The following SLCO5A1 variants were observed in gnomAD, a reference collection of about 807,000 sequenced individuals.
SLCO5A1 encodes the protein solute carrier organic anion transporter family member 5A1.
SLCO5A1 carries 39 observed loss-of-function variants against 65.1 expected under a neutral mutation model. The observed-to-expected ratio is 0.60, with a 90% CI of 0.46 to 0.78. The LOEUF (loss-of-function observed/expected upper bound fraction) is 0.78. Ranked by LOEUF, SLCO5A1 falls within the 30% of genes least tolerant of loss-of-function variation. The pLI is 0.00. For synonymous variants in SLCO5A1, 438 were observed against 415.7 expected (o/e 1.05, Z -0.65); for missense variants, 1,029 against 1,069.4 (o/e 0.96, Z 0.53).
intron 2 of SLCO5A1, among the ~76,000 whole-genome samples, chr8:69,817,058 T>C (rs1427415467): frequency 2.0e-5 from 3 of 152,172 alleles, no homozygotes; most frequent in Non-Finnish European, 2.9e-5. Context: ...ATGTATACAG[T>C]GGTGTTAAGT....
intron 4 of SLCO5A1, among the ~76,000 whole-genome samples, chr8:69,754,630 G>A (rs1462979064): frequency 6.6e-6 from 1 of 152,138 alleles, no homozygotes; most frequent in Non-Finnish European, 1.5e-5. Context: ...CACATTATAG[G>A]TTTCTGGAAT....
At chr8:69,741,036 C>A (rs1418308331) in intron 4 of SLCO5A1, among the ~76,000 whole-genome samples, 1 of 152,218 alleles carries the variant, frequency 6.6e-6, no homozygotes, top group African/African-American at 2.4e-5. Context: ...ACATTCCCAG[C>A]TGAGGTGGAA....
intron 5 of SLCO5A1, among the ~76,000 whole-genome samples, chr8:69,707,550 C>G (rs1314534364): frequency 6.6e-6 from 1 of 152,110 alleles, no homozygotes; most frequent in African/African-American, 2.4e-5. Context: ...CATGAAAGAC[C>G]ATGAAAAGGA....
At chr8:69,719,174 G>GA (rs1586722592) in intron 5 of SLCO5A1, among the ~76,000 whole-genome samples, 2 of 152,130 alleles carry the variant, frequency 1.3e-5, no homozygotes, top group Non-Finnish European at 2.9e-5. Context: ...GCTTAAGCCA[G>GA]AAAAAAATAA....
intron 2 of SLCO5A1, among the ~76,000 whole-genome samples, chr8:69,792,595 G>A (rs927509798): frequency 2.6e-5 from 4 of 152,176 alleles, no homozygotes; most frequent in African/African-American, 9.7e-5. Context: ...CGATGGATAA[G>A]AAAACTCGAT....
intron 4 of SLCO5A1, among the ~76,000 whole-genome samples, chr8:69,746,237 A>T (rs951634474): frequency 6.7e-5 from 10 of 148,330 alleles, no homozygotes; most frequent in Non-Finnish European, 8.8e-5. Flanking sequence ...AAAGAAAAAT[A>T]AAAAAAGAAA....
intron 7 of SLCO5A1, among the ~76,000 whole-genome samples, chr8:69,681,977 A>G (rs1813798138): frequency 6.6e-6 from 1 of 152,188 alleles, no homozygotes; most frequent in Non-Finnish European, 1.5e-5. Context: ...AAATCCCTGC[A>G]CCCAAATGTT....
chr8:69,752,993 C>A (rs1417001601), intron 4 of SLCO5A1, among the ~76,000 whole-genome samples: 1 of 152,314 alleles, frequency 6.6e-6, no homozygotes, highest in East Asian at 1.9e-4. Context: ...CAGAGAAAAG[C>A]AACCCCTGGC....
At chr8:69,686,856 G>C (rs1056003711) in intron 6 of SLCO5A1, among the ~76,000 whole-genome samples, 63 of 152,194 alleles carry the variant, frequency 4.1e-4, no homozygotes, top group African/African-American at 1.4e-3. Context: ...GTGTTCCTGA[G>C]TGTGAGTCGG....
At chr8:69,689,683 GTTCCA>G (rs1814158222) in intron 6 of SLCO5A1, among the ~76,000 whole-genome samples, 1 of 145,634 alleles carries the variant, frequency 6.9e-6, no homozygotes, top group Admixed American at 6.7e-5. Flanking sequence ...GCTCTGTTCT[GTTCCA>G]TTGATCTATA....
At chr8:69,747,170 C>T (rs1817071648) in intron 4 of SLCO5A1, among the ~76,000 whole-genome samples, 1 of 152,158 alleles carries the variant, frequency 6.6e-6, no homozygotes. Flanking sequence ...GCAAGGCATG[C>T]CCCCTTCTCT....
chr8:69,719,663 C>T (rs1586723161), intron 5 of SLCO5A1: 1 of 152,180 alleles, frequency 6.6e-6, no homozygotes, highest in East Asian at 1.9e-4. Context: ...ATCTACCCTC[C>T]TCATATTTTG....
intron 2 of SLCO5A1, among the ~76,000 whole-genome samples, chr8:69,797,268 G>T (rs1819543663): frequency 6.6e-6 from 1 of 152,150 alleles, no homozygotes; most frequent in South Asian, 2.1e-4. Flanking sequence ...GATTTCCTAT[G>T]CCTGTCTTTA....
intron 2 of SLCO5A1, among the ~76,000 whole-genome samples, chr8:69,809,199 A>C (rs114886556): frequency 0.012 from 1,878 of 152,356 alleles, 22 homozygotes; most frequent in African/African-American, 0.043. Context: ...TATGTATTTT[A>C]AGTTTTCATT....
At position 69,831,912 on chromosome 8, in the gene SLCO5A1, G is replaced by A. The variant is rs35318751; in HGVS notation, c.762C>T (p.Asp254=). 4,810 of 1,608,422 alleles carry A rather than the reference G, an allele frequency of 3.0e-3. 122 individuals are homozygous for A. The African/African-American group carries it at 0.057, about 19-fold the overall frequency. The change falls in exon 2 of 10, where the codon GAC becomes GAT. Residue 254 remains aspartate, a synonymous_variant. Transcript: ENST00000260126. ...AGACCCAGTGATTATTTCCTCCCGA[G>A]TCCTTCGGACAGGCCGGAGGCTCCA... ...ATLEPPACPK[D]SGGNNHWVYV...
At chr8:69,685,069 G>A (rs1223080623) in intron 6 of SLCO5A1, among the ~76,000 whole-genome samples, 2 of 152,126 alleles carry the variant, frequency 1.3e-5, no homozygotes, top group Non-Finnish European at 2.9e-5. Flanking sequence ...TAAATGCTAT[G>A]AAATGAAAGG....
intron 5 of SLCO5A1, among the ~76,000 whole-genome samples, chr8:69,725,474 T>C (rs1469139374): frequency 6.6e-6 from 1 of 152,078 alleles, no homozygotes; most frequent in Non-Finnish European, 1.5e-5. Context: ...TATGTATGTA[T>C]GTATGTATGT....
chr8:69,676,157 T>C (rs1036715762), intron 9 of SLCO5A1, among the ~76,000 whole-genome samples: 1 of 152,234 alleles, frequency 6.6e-6, no homozygotes, highest in Non-Finnish European at 1.5e-5. Flanking sequence ...TTTTTCTTTT[T>C]CTCAGAAAAC....
intron 2 of SLCO5A1, among the ~76,000 whole-genome samples, chr8:69,806,859 T>A (rs1227345815): frequency 1.3e-5 from 2 of 152,178 alleles, no homozygotes; most frequent in Non-Finnish European, 2.9e-5. Context: ...AAAGAAACAA[T>A]AAACATGATG....
Sources: gnomAD v4.1 joint callset for allele counts (sites outside exome capture counted in the v4.1 genomes callset) on GRCh38, gnomAD v4.1.1 for gene constraint, MANE v1.5 for transcripts, NCBI Gene and HGNC (gene_info 2026-07-23, HGNC 2026-07-21) for gene names.